The following MYRIP variants were observed in gnomAD, a reference collection of about 807,000 sequenced individuals.
MYRIP encodes rab effector MyRIP.
In MYRIP, 49 loss-of-function variants were observed where a neutral mutation model predicts 98.0. The observed-to-expected ratio is 0.50, with a 90% CI of 0.40 to 0.63. MYRIP has a LOEUF of 0.63. MYRIP is among the 30% of genes least tolerant of loss of function. The probability of loss-of-function intolerance (pLI) is 0.00; values close to 1 mark genes in which losing one functional copy is unlikely to be tolerated. For synonymous variants in MYRIP, 404 were observed against 409.5 expected, an observed-to-expected ratio of 0.99 and a Z score of 0.16; for missense variants, 1,004 against 1,058.2, an observed-to-expected ratio of 0.95 and a Z score of 0.71.
intron 13 of MYRIP, among the ~76,000 whole-genome samples, chr3:40,249,522 A>ATAATAATGCCC (rs763702233): frequency 2.0e-5 from 3 of 152,248 alleles, no homozygotes; most frequent in Non-Finnish European, 2.9e-5. Flanking sequence ...TTCCTGGCAC[A>ATAATAATGCCC]TAATAATGCC....
rs541741319 is a variant in MYRIP, at chr3:40,143,116, C to T, written c.333-7932C>T. On this transcript the variant is annotated intron_variant, in intron 3 of 16. Transcript: ENST00000302541. Reference sequence around the variant, plus strand: ...CTTTGAACAGATTAGTCTGGCTGCACTGTTGGATAGGGCCCTGGTCTGTTT... The same window carrying T: ...CTTTGAACAGATTAGTCTGGCTGCATTGTTGGATAGGGCCCTGGTCTGTTT... Among the ~76,000 whole-genome samples, 6 of 152,320 alleles carry T rather than the reference C, an allele frequency of 3.9e-5. No individual in the cohort carries two copies. The South Asian group carries it at 1.2e-3, about 32-fold the overall frequency.
chr3:39,878,027 AC>A (rs1156358901), intron 1 of MYRIP, among the ~76,000 whole-genome samples: 3 of 152,028 alleles, frequency 2.0e-5, no homozygotes, highest in Non-Finnish European at 2.9e-5. Context: ...TGCTTTGTTT[AC>A]CTAAGCAAGC....
chr3:39,901,478 T>A (rs1183236572), intron 2 of MYRIP, among the ~76,000 whole-genome samples: 3 of 152,124 alleles, frequency 2.0e-5, no homozygotes, highest in Non-Finnish European at 4.4e-5. Context: ...TCCTCTGCAG[T>A]TGATATTTCC....
At position 40,078,435 on chromosome 3, in the gene MYRIP, T is replaced by C. The variant is rs926479541; in HGVS notation, c.332+34164T>C. ...TGGGAGCCCAGGCAGAGGAGGCACC[T>C]AGAGCAAGCGAGGGCTGTGAGGACT... On this transcript the variant is annotated intron_variant, in intron 3 of 16. Transcript: ENST00000302541. Among the ~76,000 whole-genome samples the C allele has an allele frequency of 2.0e-5, 3 of 152,338 alleles. No individual in the cohort carries two copies. In the South Asian group the frequency reaches 6.2e-4, roughly 32 times the overall value.
At chr3:39,925,589 T>C (rs13058823) in intron 2 of MYRIP, among the ~76,000 whole-genome samples, 13,730 of 152,092 alleles carry the variant, frequency 0.09, 735 homozygotes, top group African/African-American at 0.15. Flanking sequence ...GTATTTGGTT[T>C]CCTGTTCCTG....
intron 3 of MYRIP, among the ~76,000 whole-genome samples, chr3:40,127,152 C>G (rs971186317): frequency 6.6e-6 from 1 of 152,208 alleles, no homozygotes; most frequent in Non-Finnish European, 1.5e-5. Context: ...TATAATATGA[C>G]TTAAATCTAA....
intron 1 of MYRIP, among the ~76,000 whole-genome samples, chr3:39,891,023 T>C (rs1943473103): frequency 1.3e-5 from 2 of 152,146 alleles, no homozygotes; most frequent in Admixed American, 1.3e-4. Flanking sequence ...TAGATAACTT[T>C]CCACGTATAT....
At chr3:40,032,484 G>GA (rs1333345837) in intron 2 of MYRIP, among the ~76,000 whole-genome samples, 4 of 152,030 alleles carry the variant, frequency 2.6e-5, no homozygotes, top group South Asian at 4.1e-4. Context: ...GTGTGGTGCT[G>GA]AAAAAAATGT....
At chr3:39,906,989 T>C (rs1415265064) in intron 2 of MYRIP, among the ~76,000 whole-genome samples, 1 of 152,180 alleles carries the variant, frequency 6.6e-6, no homozygotes, top group Non-Finnish European at 1.5e-5. Context: ...TTTCCCTCTG[T>C]TGGACCCCAG....
At chr3:40,021,652 T>C (rs947128198) in intron 2 of MYRIP, among the ~76,000 whole-genome samples, 5 of 152,160 alleles carry the variant, frequency 3.3e-5, no homozygotes, top group Non-Finnish European at 4.4e-5. Flanking sequence ...GGAAGAAAAT[T>C]CTCTAGGACA....
Position 39,862,521 on chromosome 3 carries a change from T to G in MYRIP, c.-30-38266T>G, listed in dbSNP as rs192098610. ...TTCTAATTTCAGACAAAAAATACTATAAGCCACTAAAGACAAAAAAGTCAA... is the reference window on the plus strand; with the variant it reads ...TTCTAATTTCAGACAAAAAATACTAGAAGCCACTAAAGACAAAAAAGTCAA... On this transcript the variant is annotated intron_variant, in intron 1 of 16. Coordinates refer to ENST00000302541, the MANE Select transcript of MYRIP (RefSeq NM_015460.4). Among the ~76,000 whole-genome samples the G allele has an allele frequency of 4.4e-4, 67 of 152,208 alleles. 1 individual carries two copies. Among genetic ancestry groups the G allele is most frequent in the Non-Finnish European group, 9.1e-4 (62 of 67,972 alleles).
chr3:39,919,727 T>TGTGTGTGTGA (rs1553645683), intron 2 of MYRIP, among the ~76,000 whole-genome samples: 1 of 123,384 alleles, frequency 8.1e-6, no homozygotes, highest in East Asian at 2.3e-4. Flanking sequence ...TGTGTGTGTG[T>TGTGTGTGTGA]GAGAGAGAGA....
At chr3:40,244,691 T>C in intron 13 of MYRIP, 84 bp downstream of exon 13, 8 of 1,415,416 alleles carry the variant, frequency 5.7e-6, no homozygotes, top group South Asian at 1.5e-5. Flanking sequence ...TTTAAAGCCA[T>C]TGTATCTATC....
intron 11 of MYRIP, among the ~76,000 whole-genome samples, chr3:40,210,728 C>G (rs1034937207): frequency 6.6e-6 from 1 of 152,176 alleles, no homozygotes; most frequent in African/African-American, 2.4e-5. Flanking sequence ...ACTCCTCCTC[C>G]CCTTTTCCTA....
intron 2 of MYRIP, among the ~76,000 whole-genome samples, chr3:40,027,937 G>A (rs1947172633): frequency 6.6e-6 from 1 of 152,058 alleles, no homozygotes. Context: ...TCACTTACAG[G>A]AATGGATGAG....
intron 3 of MYRIP, among the ~76,000 whole-genome samples, chr3:40,134,260 C>T (rs1052712080): frequency 6.6e-6 from 1 of 152,170 alleles, no homozygotes; most frequent in African/African-American, 2.4e-5. Flanking sequence ...TCGGAGGGTC[C>T]TACACCCACG....
At chr3:40,099,169 A>C (rs1948891861) in intron 3 of MYRIP, among the ~76,000 whole-genome samples, 1 of 152,182 alleles carries the variant, frequency 6.6e-6, no homozygotes, top group Non-Finnish European at 1.5e-5. Flanking sequence ...ACATCAGAAG[A>C]GGATGGGTGT....
chr3:40,143,119 T>A (rs1209859468), intron 3 of MYRIP, among the ~76,000 whole-genome samples: 1 of 152,206 alleles, frequency 6.6e-6, no homozygotes, highest in Non-Finnish European at 1.5e-5. Flanking sequence ...GGCTGCACTG[T>A]TGGATAGGGC....
intron 3 of MYRIP, among the ~76,000 whole-genome samples, chr3:40,119,600 G>A (rs1170265292): frequency 6.6e-6 from 1 of 152,062 alleles, no homozygotes; most frequent in African/African-American, 2.4e-5. Context: ...TATCTTTGAT[G>A]AGTTCATGTC....
Sources: gnomAD v4.1 joint callset for allele counts (sites outside exome capture counted in the v4.1 genomes callset) on GRCh38, gnomAD v4.1.1 for gene constraint, MANE v1.5 for transcripts, NCBI Gene and HGNC (gene_info 2026-07-23, HGNC 2026-07-21) for gene names.